CYP4X1: variants seen among roughly 807,000 people sequenced by gnomAD.
CYP4X1 encodes cytochrome P450 family 4 subfamily X member 1.
Under a neutral mutation model 57.9 loss-of-function variants are expected in CYP4X1, and 44 were observed. The ratio of observed to expected loss-of-function variants is 0.76; its 90% confidence interval spans 0.60 to 0.98. The LOEUF (loss-of-function observed/expected upper bound fraction) is 0.98. Ranked by LOEUF, CYP4X1 falls within the 50% of genes least tolerant of loss-of-function variation. The pLI is 0.00. For synonymous variants in CYP4X1, 227 were observed against 228.6 expected (o/e 0.99, Z 0.06); for missense variants, 532 against 623.9 (o/e 0.85, Z 1.57).
At chr1:46,996,720 C>T in the CYP4X1 span, among the ~76,000 whole-genome samples, 1 of 152,154 alleles carries the variant, frequency 6.6e-6, no homozygotes, top group Non-Finnish European at 1.5e-5. Context: ...ACCAGAAACT[C>T]TTGGAAGGTG....
intron 9 of CYP4X1, among the ~76,000 whole-genome samples, chr1:47,047,294 T>C (rs1157088330): frequency 6.6e-6 from 1 of 152,202 alleles, no homozygotes; most frequent in Admixed American, 6.5e-5. Flanking sequence ...AGGGGTCATG[T>C]GAGACATATT....
intron 6 of CYP4X1, among the ~76,000 whole-genome samples, chr1:47,037,419 T>C (rs1441188793): frequency 6.6e-6 from 1 of 151,902 alleles, no homozygotes; most frequent in Non-Finnish European, 1.5e-5. Flanking sequence ...TTACAGGCAC[T>C]GCCACCACAC....
chr1:47,022,619 C>T (rs1336418686), upstream of CYP4X1, among the ~76,000 whole-genome samples: 1 of 152,088 alleles, frequency 6.6e-6, no homozygotes, highest in African/African-American at 2.4e-5. Flanking sequence ...ACTTACCCGC[C>T]AAATAAAATC....
the CYP4X1 span, among the ~76,000 whole-genome samples, chr1:46,995,599 T>C: frequency 6.6e-6 from 1 of 152,194 alleles, no homozygotes; most frequent in Non-Finnish European, 1.5e-5. Flanking sequence ...CAACAGATAT[T>C]TCTTGAAAAA....
downstream of CYP4X1, among the ~76,000 whole-genome samples, chr1:47,053,816 T>C (rs879818257): frequency 6.6e-5 from 10 of 152,222 alleles, no homozygotes; most frequent in Admixed American, 3.3e-4. Context: ...TTCTGGATAT[T>C]AGGCCTTTGT....
intron 1 of CYP4X1, among the ~76,000 whole-genome samples, chr1:47,028,311 T>C (rs1223599122): frequency 6.6e-6 from 1 of 152,198 alleles, no homozygotes; most frequent in Non-Finnish European, 1.5e-5. Flanking sequence ...TGTACACACT[T>C]GGGCAGATCA....
chr1:46,967,637 G>A, the CYP4X1 span: 6 of 405,172 alleles, frequency 1.5e-5, no homozygotes, highest in African/African-American at 2.1e-5. Context: ...GGAGACAGGA[G>A]CAGGGGTGAG....
the CYP4X1 span, among the ~76,000 whole-genome samples, chr1:46,981,265 G>C: frequency 6.6e-6 from 1 of 151,662 alleles, no homozygotes; most frequent in Admixed American, 6.6e-5. Flanking sequence ...AATCTACAAA[G>C]AACATAAACA....
the CYP4X1 span, among the ~76,000 whole-genome samples, chr1:47,012,170 C>G: frequency 6.6e-6 from 1 of 152,158 alleles, no homozygotes; most frequent in Non-Finnish European, 1.5e-5. Context: ...AAATGTCCAA[C>G]AATGATAGAC....
chr1:47,021,142 C>CAAAAAAAAAA (rs546594827), upstream of CYP4X1, among the ~76,000 whole-genome samples: 2,748 of 47,426 alleles, frequency 0.058, 578 homozygotes, highest in South Asian at 0.11. Context: ...GCAGGAATGC[C>CAAAAAAAAAA]AAAAAAAAAA....
chr1:47,012,500 ATACG>A, the CYP4X1 span, among the ~76,000 whole-genome samples: 6 of 152,326 alleles, frequency 3.9e-5, no homozygotes, highest in South Asian at 1.2e-3. Flanking sequence ...TGGCACATGT[ATACG>A]TACGTAACAA....
At chr1:46,969,306 C>T in the CYP4X1 span, among the ~76,000 whole-genome samples, 1 of 152,192 alleles carries the variant, frequency 6.6e-6, no homozygotes, top group East Asian at 1.9e-4. Context: ...ATGTCTTGTA[C>T]ATCCTGATGA....
At chr1:46,961,824 G>C in the CYP4X1 span, 1 of 1,241,926 alleles carries the variant, frequency 8.1e-7, no homozygotes, top group Non-Finnish European at 1.0e-6. Flanking sequence ...CCTCTGCCCT[G>C]CCCTACTTAG....
the CYP4X1 span, among the ~76,000 whole-genome samples, chr1:46,993,897 G>T: frequency 6.6e-6 from 1 of 152,062 alleles, no homozygotes; most frequent in Admixed American, 6.6e-5. Flanking sequence ...TCACTCTGAT[G>T]GTAGTTTCTT....
chr1:47,046,636 C>G, intron 9 of CYP4X1, 36 bp downstream of exon 9: 4 of 1,613,678 alleles, frequency 2.5e-6, no homozygotes, highest in South Asian at 2.2e-5. Flanking sequence ...TTCTTAGAGG[C>G]TATGGGATCC....
rs1057339809 is a variant in CYP4X1 at position 47,039,522 on chromosome 1, T to C, written c.1063T>C (p.Ser355Pro). The change falls in exon 8 of 12, where the codon TCT becomes CCT. Residue 355 changes from serine (S) to proline (P), a missense_variant. Coordinates refer to ENST00000371901, the MANE Select transcript of CYP4X1 (RefSeq NM_178033.2). ...EVRGILGDGS[S>P]ITWDQLGEMS... ...CAGGGGCATCCTGGGGGATGGGTCT[T>C]CTATCACTTGGTAAGATCTGCACCC... 3 of 1,604,490 alleles carry C rather than the reference T, an allele frequency of 1.9e-6. No homozygotes were observed. Among genetic ancestry groups the C allele is most frequent in the Non-Finnish European group, 8.5e-7 (1 of 1,177,148 alleles).
rs1644024045 is a variant in CYP4X1, at chr1:47,023,695, A to G, written c.-123A>G. The G allele has an allele frequency of 2.8e-6, 4 of 1,443,674 alleles. No homozygotes were observed. Among genetic ancestry groups the G allele is most frequent in the Non-Finnish European group, 2.7e-6 (3 of 1,102,052 alleles). 89.4% of individuals were successfully genotyped at this position (1,443,674 alleles called of 1,614,324 possible). A position where few individuals can be genotyped will look rare whatever the true frequency, so the allele number is the denominator to read the frequency against. On this transcript the variant is annotated 5_prime_UTR_variant, in exon 1 of 12. Coordinates refer to ENST00000371901, the MANE Select transcript of CYP4X1 (RefSeq NM_178033.2). ...CTGCCTTTCCTTCTTCCCGCGAGTC[A>G]GAAGCTTCGCGAGGGCCCAGAGAGG...
chr1:47,021,199 C>T (rs1643992820), upstream of CYP4X1, among the ~76,000 whole-genome samples: 2 of 137,518 alleles, frequency 1.5e-5, no homozygotes, highest in Admixed American at 1.6e-4. Flanking sequence ...TTTTGGCCTC[C>T]AGAATCATAT....
the CYP4X1 span, among the ~76,000 whole-genome samples, chr1:47,015,239 C>T: frequency 2.1e-4 from 32 of 152,172 alleles, no homozygotes; most frequent in African/African-American, 6.0e-4. Flanking sequence ...TTCTATGCTT[C>T]CTTACTGAAA....
Sources: allele counts gnomAD v4.1 joint callset (sites outside exome capture counted in the v4.1 genomes callset), GRCh38; gene constraint gnomAD v4.1.1; transcripts MANE v1.5; gene names NCBI Gene and HGNC (gene_info 2026-07-23, HGNC 2026-07-21).